Variants in CCBE1 observed in about 807,000 individuals in gnomAD.
The protein encoded by CCBE1 is collagen and calcium-binding EGF domain-containing protein 1.
CCBE1 carries 37 observed loss-of-function variants against 50.0 expected under a neutral mutation model. The ratio of observed to expected loss-of-function variants is 0.74; its 90% CI spans 0.57 to 0.97. The LOEUF (loss-of-function observed/expected upper bound fraction) is 0.97. Ranked by LOEUF, CCBE1 falls within the 50% of genes least tolerant of loss-of-function variation. The pLI is 0.00. For synonymous variants in CCBE1, 234 were observed against 203.7 expected (o/e 1.15, Z -1.27); for missense variants, 538 against 523.8 (o/e 1.03, Z -0.26).
rs376151836 is a variant in CCBE1, at chr18:59,453,246, T to C, written c.654+1605A>G. ...GCCTTGAGAGGTACATCTGGAGATA[T>C]TGATCGACTGCCTAACCCAAGCCCT... On this transcript the variant is annotated intron_variant, in intron 6 of 10. Transcript: ENST00000439986. Among the ~76,000 whole-genome samples, 17 of 152,346 alleles carry C rather than the reference T, an allele frequency of 1.1e-4. 1 individual carries two copies. In the South Asian group the frequency reaches 1.7e-3, roughly 15 times the overall value.
At chr18:59,437,469 A>G (rs926455722) in intron 10 of CCBE1, among the ~76,000 whole-genome samples, 12 of 152,374 alleles carry the variant, frequency 7.9e-5, no homozygotes, top group Non-Finnish European at 1.6e-4. Flanking sequence ...GCCCGTGGTC[A>G]GAAAGCCAGC....
At chr18:59,516,093 G>A (rs573980989) in intron 2 of CCBE1, among the ~76,000 whole-genome samples, 1 of 152,126 alleles carries the variant, frequency 6.6e-6, no homozygotes, top group Non-Finnish European at 1.5e-5. Flanking sequence ...TGAATAACTG[G>A]GATTGCATGC....
chr18:59,642,844 G>C (rs2054007718), intron 2 of CCBE1, among the ~76,000 whole-genome samples: 1 of 151,406 alleles, frequency 6.6e-6, no homozygotes, highest in African/African-American at 2.4e-5. Flanking sequence ...AGCTATTCGG[G>C]AGGCTGAGGC....
intron 2 of CCBE1, among the ~76,000 whole-genome samples, chr18:59,536,144 A>G (rs1474266507): frequency 2.0e-5 from 3 of 152,250 alleles, no homozygotes; most frequent in Non-Finnish European, 4.4e-5. Flanking sequence ...ATAGGTTTTG[A>G]GTCTAGAGAG....
intron 2 of CCBE1, among the ~76,000 whole-genome samples, chr18:59,607,130 TACTC>T (rs1186582739): frequency 6.6e-6 from 1 of 151,842 alleles, no homozygotes; most frequent in Non-Finnish European, 1.5e-5. Flanking sequence ...GCATGGTACT[TACTC>T]TTGAAAACAA....
At chr18:59,697,459 G>C, upstream of CCBE1, 1 of 1,359,976 alleles carries the variant, frequency 7.4e-7, no homozygotes, top group Non-Finnish European at 9.8e-7. Flanking sequence ...GAGCAGGGGC[G>C]TTTGCACCAC....
intron 2 of CCBE1, among the ~76,000 whole-genome samples, chr18:59,629,404 ATCATT>A (rs1323186868): frequency 1.3e-5 from 2 of 152,118 alleles, no homozygotes; most frequent in African/African-American, 4.8e-5. Context: ...CTTCATTTTC[ATCATT>A]TCATCTTCCT....
intron 2 of CCBE1, among the ~76,000 whole-genome samples, chr18:59,483,621 TTA>T (rs1192239132): frequency 1.3e-5 from 2 of 152,170 alleles, no homozygotes; most frequent in African/African-American, 4.8e-5. Flanking sequence ...CTAATTAGTT[TTA>T]TGTGAAATTT....
In CCBE1 at chr18:59,697,347, G is replaced by C; in HGVS notation, c.-5C>G. ...GCTCGGAGGCGGCGGCACCATCAGGGAAGCTCCCGGCTTCTTCCCAGCGCC... is the reference window on the plus strand; with the variant it reads ...GCTCGGAGGCGGCGGCACCATCAGGCAAGCTCCCGGCTTCTTCCCAGCGCC... On this transcript the variant is annotated 5_prime_UTR_variant, in exon 1 of 11. Transcript: ENST00000439986. The C allele has an allele frequency of 1.3e-6, 2 of 1,546,066 alleles. No homozygotes were observed. The highest frequency in any genetic ancestry group is 2.4e-5 in the East Asian group (1 of 40,958).
intron 2 of CCBE1, among the ~76,000 whole-genome samples, chr18:59,539,554 A>C (rs1054865265): frequency 3.5e-4 from 49 of 138,902 alleles, no homozygotes; most frequent in African/African-American, 1.3e-3. Context: ...AGGGCAAGAA[A>C]CATGTGTTAT....
intron 2 of CCBE1, among the ~76,000 whole-genome samples, chr18:59,608,915 T>C (rs907752073): frequency 8.5e-5 from 13 of 152,318 alleles, no homozygotes; most frequent in African/African-American, 3.1e-4. Context: ...TTATCCAGTC[T>C]TTGCTCATCC....
In CCBE1 at chr18:59,644,006, G is replaced by A. The variant is rs370690265; in HGVS notation, c.212+52623C>T. Among the ~76,000 whole-genome samples, 9 of 152,266 alleles carry A rather than the reference G, an allele frequency of 5.9e-5. No individual in the cohort carries two copies. The East Asian group carries it at 1.2e-3, about 20-fold the overall frequency. On this transcript the variant is annotated intron_variant, in intron 2 of 10. Coordinates refer to ENST00000439986, the MANE Select transcript of CCBE1 (RefSeq NM_133459.4). ...CCTCCCACAGGATTAGCAGTCTATG[G>A]CACTGGTCCCCAACCTTTTTGGTAC...
chr18:59,445,330 C>T (rs190583237), intron 7 of CCBE1, among the ~76,000 whole-genome samples: 7 of 152,312 alleles, frequency 4.6e-5, no homozygotes, highest in Admixed American at 1.3e-4. Context: ...TATTTATTAG[C>T]ATATCCTCAG....
At chr18:59,508,884 C>G (rs1016852731) in intron 2 of CCBE1, among the ~76,000 whole-genome samples, 3 of 151,872 alleles carry the variant, frequency 2.0e-5, no homozygotes, top group African/African-American at 7.3e-5. Flanking sequence ...ATACACGGCT[C>G]TTAATATAAA....
At chr18:59,658,879 CAAAA>C (rs61226521) in intron 2 of CCBE1, among the ~76,000 whole-genome samples, 7 of 54,752 alleles carry the variant, frequency 1.3e-4, no homozygotes, top group South Asian at 1.3e-3. Context: ...GACTCTGTCT[CAAAA>C]AAAAAAAAAA....
rs1026436104 is a variant in CCBE1 at position 59,682,179 on chromosome 18, T to C, written c.212+14450A>G. On this transcript the variant is annotated intron_variant, in intron 2 of 10. Coordinates refer to ENST00000439986, the MANE Select transcript of CCBE1 (RefSeq NM_133459.4). ...GAAATCGAGACCATCCTGGCCAACA[T>C]GGTGAAACCCTGTCTCTACTAAAAA... is the stretch of plus-strand genomic sequence containing the variant. Among the ~76,000 whole-genome samples, 25 of 152,326 alleles carry C rather than the reference T, an allele frequency of 1.6e-4. No individual in the cohort carries two copies. In the South Asian group the frequency reaches 2.9e-3, roughly 18 times the overall value.
chr18:59,651,721 G>T (rs940434317), intron 2 of CCBE1, among the ~76,000 whole-genome samples: 1 of 152,188 alleles, frequency 6.6e-6, no homozygotes, highest in African/African-American at 2.4e-5. Flanking sequence ...CTAGTGATGT[G>T]GCGGTGTGTC....
chr18:59,587,810 C>T (rs1345545639), intron 2 of CCBE1, among the ~76,000 whole-genome samples: 1 of 152,138 alleles, frequency 6.6e-6, no homozygotes, highest in African/African-American at 2.4e-5. Context: ...TAATTACTAA[C>T]ATAAGTTTAG....
At chr18:59,510,011 C>A (rs1914063749) in intron 2 of CCBE1, among the ~76,000 whole-genome samples, 1 of 152,138 alleles carries the variant, frequency 6.6e-6, no homozygotes, top group Non-Finnish European at 1.5e-5. Context: ...ATCACGGAAC[C>A]CAAACACCAA....
Sources: allele counts gnomAD v4.1 joint callset (sites outside exome capture counted in the v4.1 genomes callset), GRCh38; gene constraint gnomAD v4.1.1; transcripts MANE v1.5; gene names NCBI Gene and HGNC (gene_info 2026-07-23, HGNC 2026-07-21).